Variants in KCNIP4 observed in about 807,000 individuals in gnomAD.
The protein encoded by KCNIP4 is potassium voltage-gated channel interacting protein 4.
In KCNIP4, 12 loss-of-function variants were observed where a neutral mutation model predicts 34.0. The observed-to-expected ratio is 0.35, with a 90% CI of 0.23 to 0.57. The LOEUF is 0.57. KCNIP4 is among the 20% of genes least tolerant of loss of function. The pLI is 0.83. For missense variants in KCNIP4, 238 were observed against 311.7 expected, an observed-to-expected ratio of 0.76 and a Z score of 1.78; for synonymous variants, 124 against 102.2, an observed-to-expected ratio of 1.21 and a Z score of -1.29.
chr4:21,652,020 T>C (rs1747520793), intron 1 of KCNIP4, among the ~76,000 whole-genome samples: 1 of 152,218 alleles, frequency 6.6e-6, no homozygotes, highest in African/African-American at 2.4e-5. Flanking sequence ...AAAGTTTGTG[T>C]GTCTCAGCCC....
At chr4:21,123,035 C>T (rs532488792) in intron 1 of KCNIP4, among the ~76,000 whole-genome samples, 49 of 151,088 alleles carry the variant, frequency 3.2e-4, no homozygotes, top group African/African-American at 1.2e-3. Flanking sequence ...ATGGTGAAAC[C>T]CCATCTCTAC....
intron 1 of KCNIP4, among the ~76,000 whole-genome samples, chr4:21,172,848 G>A (rs1210491370): frequency 6.6e-6 from 1 of 152,128 alleles, no homozygotes; most frequent in East Asian, 1.9e-4. Context: ...CCACTCCGGT[G>A]TGTTTAAACA....
At chr4:20,848,892 C>A (rs1720692785) in intron 3 of KCNIP4, among the ~76,000 whole-genome samples, 3 of 152,108 alleles carry the variant, frequency 2.0e-5, no homozygotes, top group Admixed American at 1.3e-4. Flanking sequence ...AAGTTTTATT[C>A]TGTGATTCAC....
chr4:20,947,981 A>G (rs1338708978), intron 1 of KCNIP4, among the ~76,000 whole-genome samples: 3 of 152,228 alleles, frequency 2.0e-5, no homozygotes, highest in African/African-American at 4.8e-5. Context: ...CACATGTGGA[A>G]AATGAGATGG....
At chr4:20,906,554 C>T (rs552776495) in intron 1 of KCNIP4, among the ~76,000 whole-genome samples, 1 of 152,150 alleles carries the variant, frequency 6.6e-6, no homozygotes, top group Non-Finnish European at 1.5e-5. Context: ...TTCATTTGCT[C>T]CCCCTTGCCT....
chr4:20,759,971 A>G (rs1014653677), intron 3 of KCNIP4, among the ~76,000 whole-genome samples: 2 of 152,192 alleles, frequency 1.3e-5, no homozygotes, highest in Non-Finnish European at 2.9e-5. Context: ...GAACCTGCAG[A>G]TAAGAGAAGT....
chr4:21,577,193 A>G (rs1402760107), intron 1 of KCNIP4, among the ~76,000 whole-genome samples: 1 of 152,180 alleles, frequency 6.6e-6, no homozygotes, highest in Non-Finnish European at 1.5e-5. Flanking sequence ...ACTTCAGCCT[A>G]AGGAGTTTCC....
chr4:21,317,885 C>T (rs924360134), intron 1 of KCNIP4, among the ~76,000 whole-genome samples: 1 of 152,168 alleles, frequency 6.6e-6, no homozygotes, highest in African/African-American at 2.4e-5. Context: ...CCATGTGAGG[C>T]GTGTCTTTCA....
chr4:21,566,891 A>C (rs1739937685), intron 1 of KCNIP4, among the ~76,000 whole-genome samples: 2 of 152,128 alleles, frequency 1.3e-5, no homozygotes, highest in Admixed American at 1.3e-4. Context: ...CACATACAGG[A>C]CATAAAGCCA....
At chr4:20,841,306 G>A (rs1719688193) in intron 3 of KCNIP4, among the ~76,000 whole-genome samples, 2 of 152,116 alleles carry the variant, frequency 1.3e-5, no homozygotes, top group Non-Finnish European at 2.9e-5. Flanking sequence ...ACAGCCTGAA[G>A]GGCTGAGAAT....
intron 1 of KCNIP4, among the ~76,000 whole-genome samples, chr4:21,827,018 A>T (rs759229344): frequency 4.6e-5 from 7 of 152,108 alleles, no homozygotes; most frequent in Non-Finnish European, 1.0e-4. Flanking sequence ...TGAATAAATG[A>T]TGTGTAGAGT....
At position 21,353,410 on chromosome 4, in the gene KCNIP4, G is replaced by T. The variant is rs11942873; in HGVS notation, c.62-470701C>A. 2.5e-3 allele frequency among the ~76,000 whole-genome samples: 386 copies of T among 152,298 alleles called. 1 individual carries two copies. The highest frequency in any genetic ancestry group is 9.0e-3 in the African/African-American group (373 of 41,572). On this transcript the variant is annotated intron_variant, in intron 1 of 8. Transcript: ENST00000382152. The stretch of plus-strand genomic sequence containing the variant: ...AGGTAAAAACCTTGAAAAAAGGTTA[G>T]ATGAATGGCTAACTAGACTAAACAG...
At chr4:20,804,026 T>C (rs559525787) in intron 3 of KCNIP4, among the ~76,000 whole-genome samples, 1 of 152,302 alleles carries the variant, frequency 6.6e-6, no homozygotes, top group African/African-American at 2.4e-5. Context: ...TCAAATGATA[T>C]AAATTCAGTA....
chr4:21,285,066 C>T (rs1271085233), intron 1 of KCNIP4, among the ~76,000 whole-genome samples: 2 of 152,092 alleles, frequency 1.3e-5, no homozygotes, highest in East Asian at 1.9e-4. Flanking sequence ...TGTACAATAT[C>T]CCCATTATGG....
intron 1 of KCNIP4, among the ~76,000 whole-genome samples, chr4:21,044,858 G>A (rs947237359): frequency 6.6e-6 from 1 of 152,144 alleles, no homozygotes; most frequent in African/African-American, 2.4e-5. Context: ...TCTTGGATAT[G>A]TAGCTAGAGA....
At chr4:21,087,286 C>G (rs1183782741) in intron 1 of KCNIP4, among the ~76,000 whole-genome samples, 1 of 151,858 alleles carries the variant, frequency 6.6e-6, no homozygotes, top group Non-Finnish European at 1.5e-5. Flanking sequence ...AAGTGATTCT[C>G]CTGCCTCAGC....
intron 3 of KCNIP4, among the ~76,000 whole-genome samples, chr4:20,822,871 G>T (rs1717281253): frequency 6.6e-6 from 1 of 152,102 alleles, no homozygotes; most frequent in African/African-American, 2.4e-5. Context: ...CAGGAATAGG[G>T]TTACTACTCT....
chr4:21,261,703 C>T (rs575616973), intron 1 of KCNIP4, among the ~76,000 whole-genome samples: 36 of 152,282 alleles, frequency 2.4e-4, no homozygotes, highest in African/African-American at 8.7e-4. Context: ...TACACCTAAT[C>T]TATTAAGTCC....
chr4:21,373,173 A>C (rs1223499135), intron 1 of KCNIP4, among the ~76,000 whole-genome samples: 2 of 146,782 alleles, frequency 1.4e-5, no homozygotes, highest in South Asian at 2.1e-4. Flanking sequence ...AATGTAAAAA[A>C]TTATCTGGCT....
Sources: allele counts gnomAD v4.1 joint callset (sites outside exome capture counted in the v4.1 genomes callset), GRCh38; gene constraint gnomAD v4.1.1; transcripts MANE v1.5; gene names NCBI Gene and HGNC (gene_info 2026-07-23, HGNC 2026-07-21).